The following PTPRQ variants were observed in gnomAD, a reference collection of about 807,000 sequenced individuals.
PTPRQ encodes protein tyrosine phosphatase receptor type Q.
In PTPRQ, 199 loss-of-function variants were observed where a neutral mutation model predicts 246.0. That is an observed-to-expected ratio of 0.81 (90% CI 0.72 to 0.91). The LOEUF is 0.91. PTPRQ is among the 40% of genes least tolerant of loss of function. The probability of loss-of-function intolerance (pLI) is 0.00; values close to 1 mark genes in which losing one functional copy is unlikely to be tolerated. For synonymous variants in PTPRQ, 869 were observed against 853.2 expected (o/e 1.02, Z -0.32); for missense variants, 2,624 against 2,528.4 (o/e 1.04, Z -0.81).
chr12:80,604,228 CT>C lies in PTPRQ; in HGVS notation c.4610-830del, dbSNP rs538939439. Reference sequence around the variant, plus strand: ...CAATATTTAATATCATTAGAATTGACTAGGGGCCCCAGGAGGACAGAGGTGT... The same window carrying C: ...CAATATTTAATATCATTAGAATTGACAGGGGCCCCAGGAGGACAGAGGTGT... On this transcript the variant is annotated intron_variant, in intron 26 of 44. Transcript: ENST00000644991. Among the ~76,000 whole-genome samples, 21 of 151,528 alleles carry C rather than the reference CT, an allele frequency of 1.4e-4. 1 individual carries two copies. In the South Asian group the frequency reaches 4.4e-3, roughly 31 times the overall value.
intron 26 of PTPRQ, among the ~76,000 whole-genome samples, chr12:80,604,373 G>A (rs142820157): frequency 0.014 from 2,151 of 151,424 alleles, 57 homozygotes; most frequent in African/African-American, 0.049. Flanking sequence ...GTACACATAA[G>A]GATTTTAAAC....
intron 33 of PTPRQ, among the ~76,000 whole-genome samples, chr12:80,628,195 TAATGTATAAAAA>T (rs1000782902): frequency 2.0e-5 from 3 of 152,150 alleles, no homozygotes; most frequent in Non-Finnish European, 4.4e-5. Context: ...GTTCGTATTT[TAATGTATAAAAA>T]AATGTACCTA....
chr12:80,660,987 A>T (rs1456205950), intron 39 of PTPRQ, among the ~76,000 whole-genome samples: 1 of 144,418 alleles, frequency 6.9e-6, no homozygotes, highest in South Asian at 2.1e-4. Flanking sequence ...ATAAGCATGT[A>T]TATTTCCTCT....
At chr12:80,603,741 C>A (rs1456469043) in intron 26 of PTPRQ, among the ~76,000 whole-genome samples, 1 of 151,446 alleles carries the variant, frequency 6.6e-6, no homozygotes, top group Non-Finnish European at 1.5e-5. Context: ...GTGCCCCTAA[C>A]CCTGCTCTAT....
chr12:80,461,441 G>T (rs1049918769), intron 6 of PTPRQ, among the ~76,000 whole-genome samples: 6 of 151,928 alleles, frequency 3.9e-5, no homozygotes, highest in Non-Finnish European at 8.8e-5. Flanking sequence ...AGAATAATTA[G>T]ATATTATCAT....
At chr12:80,613,952 T>C (rs1005025551) in intron 29 of PTPRQ, 116 bp downstream of exon 29, 13 of 1,218,178 alleles carry the variant, frequency 1.1e-5, no homozygotes, top group African/African-American at 6.4e-5. Flanking sequence ...TTTTGTGAGA[T>C]TGTTTGACAT....
chr12:80,449,660 A>G (rs1231224235), intron 3 of PTPRQ, among the ~76,000 whole-genome samples: 1 of 151,924 alleles, frequency 6.6e-6, no homozygotes, highest in African/African-American at 2.4e-5. Flanking sequence ...TGTTTTTCTC[A>G]GGTTTGTCAA....
chr12:80,658,312 G>C (rs1900512089), intron 39 of PTPRQ, among the ~76,000 whole-genome samples: 1 of 151,954 alleles, frequency 6.6e-6, no homozygotes, highest in African/African-American at 2.4e-5. Context: ...ACACATCCCT[G>C]ATCTTTCCAC....
At chr12:80,485,615 C>A in intron 9 of PTPRQ, among the ~76,000 whole-genome samples, 1 of 152,168 alleles carries the variant, frequency 6.6e-6, no homozygotes, top group East Asian at 1.9e-4. Flanking sequence ...AAGTTGCTCA[C>A]CATCTTCAAC....
At position 80,679,225 on chromosome 12, in the gene PTPRQ, T is replaced by C; in HGVS notation, c.*202T>C. On this transcript the variant is annotated 3_prime_UTR_variant, in exon 45 of 45. Transcript: ENST00000644991. ...GAATAATTATTTGTTTTGTACAGAA[T>C]AAATATTATGCATTTTAAATGCTTA... 2.0e-6 allele frequency: 1 copy of C among 503,500 alleles called. No homozygotes were observed. 31.2% of individuals were successfully genotyped at this position (503,500 alleles called of 1,614,324 possible). A position where few individuals can be genotyped will look rare whatever the true frequency, so the allele number is the denominator to read the frequency against.
chr12:80,522,781 A>T (rs1269826666), intron 17 of PTPRQ, among the ~76,000 whole-genome samples: 1 of 152,002 alleles, frequency 6.6e-6, no homozygotes, highest in Non-Finnish European at 1.5e-5. Flanking sequence ...TTTATTGAGG[A>T]TTTTTGCATT....
intron 17 of PTPRQ, among the ~76,000 whole-genome samples, chr12:80,524,246 G>A (rs1278412388): frequency 6.6e-6 from 1 of 151,962 alleles, no homozygotes; most frequent in Non-Finnish European, 1.5e-5. Flanking sequence ...TTTATTTTGA[G>A]CCTATGTGTG....
intron 8 of PTPRQ, among the ~76,000 whole-genome samples, chr12:80,473,065 A>G (rs1297704008): frequency 2.0e-5 from 3 of 151,726 alleles, no homozygotes; most frequent in Non-Finnish European, 2.9e-5. Context: ...ACACACACAC[A>G]CACACACACA....
chr12:80,515,557 A>G (rs2120734793), intron 17 of PTPRQ, among the ~76,000 whole-genome samples: 1 of 151,706 alleles, frequency 6.6e-6, no homozygotes, highest in African/African-American at 2.4e-5. Context: ...AGTAGCTGGG[A>G]TTACAGGTGC....
intron 39 of PTPRQ, among the ~76,000 whole-genome samples, chr12:80,661,977 A>G (rs1291122373): frequency 6.6e-6 from 1 of 151,906 alleles, no homozygotes; most frequent in African/African-American, 2.4e-5. Flanking sequence ...AGGGTACACT[A>G]TTAGAAAGGA....
At chr12:80,457,552 A>G (rs1893017775) in intron 3 of PTPRQ, 23 bp from the exon 4 acceptor site, 1 of 400,140 alleles carries the variant, frequency 2.5e-6, no homozygotes, top group Non-Finnish European at 4.4e-6. Context: ...ATGTTTGAAC[A>G]CAATCCTTTT....
At chr12:80,456,251 G>T (rs1182172407) in intron 3 of PTPRQ, among the ~76,000 whole-genome samples, 1 of 152,068 alleles carries the variant, frequency 6.6e-6, no homozygotes. Context: ...GTGCCTATTT[G>T]CAGAATTAAA....
At chr12:80,465,020 G>T (rs1439805841) in intron 6 of PTPRQ, among the ~76,000 whole-genome samples, 1 of 97,190 alleles carries the variant, frequency 1.0e-5, no homozygotes, top group Admixed American at 1.2e-4. Flanking sequence ...AGAACTGAAG[G>T]ACATAGAGAC....
chr12:80,462,929 GA>G (rs200513532), intron 6 of PTPRQ: 58,641 of 142,718 alleles, frequency 0.41, 12,466 homozygotes, highest in South Asian at 0.57. Context: ...AAACAGAGCA[GA>G]AAAACTGGAA....
Sources: allele counts gnomAD v4.1 joint callset (sites outside exome capture counted in the v4.1 genomes callset), GRCh38; gene constraint gnomAD v4.1.1; transcripts MANE v1.5; gene names NCBI Gene and HGNC (gene_info 2026-07-23, HGNC 2026-07-21).